The following CDC40 variants were observed in gnomAD, a reference collection of about 807,000 sequenced individuals.
CDC40 encodes cell division cycle 40.
Under a neutral mutation model 80.6 loss-of-function variants are expected in CDC40, and 27 were observed. The ratio of observed to expected loss-of-function variants is 0.33; its 90% CI spans 0.25 to 0.46. The LOEUF is 0.46. Among genes scored for constraint, CDC40 ranks in the 20% least tolerant of loss-of-function variants. The pLI, the probability that CDC40 is intolerant of heterozygous loss-of-function variation, is 1.00. For missense variants in CDC40, 486 were observed against 694.1 expected (o/e 0.70, Z 3.37); for synonymous variants, 221 against 232.6 (o/e 0.95, Z 0.45).
intron 2 of CDC40, among the ~76,000 whole-genome samples, chr6:110,193,856 G>C (rs975589883): frequency 6.6e-6 from 1 of 152,174 alleles, no homozygotes; most frequent in Non-Finnish European, 1.5e-5. Flanking sequence ...TCTTAAATAT[G>C]AACTTAGTTG....
intron 2 of CDC40, among the ~76,000 whole-genome samples, chr6:110,197,971 A>G (rs544905688): frequency 3.3e-5 from 5 of 152,244 alleles, no homozygotes; most frequent in African/African-American, 2.4e-5. Context: ...AGGAGCCTCC[A>G]TACCATTTTC....
At chr6:110,208,961 C>G in intron 4 of CDC40, 123 bp from the exon 5 acceptor site, 1 of 680,106 alleles carries the variant, frequency 1.5e-6, no homozygotes, top group Non-Finnish European at 2.4e-6. Context: ...TCTGGGGTCA[C>G]TTGAACAATC....
chr6:110,213,387 G>GTTTTTTTTTTTT (rs925612659), intron 8 of CDC40, among the ~76,000 whole-genome samples: 3 of 147,322 alleles, frequency 2.0e-5, no homozygotes, highest in African/African-American at 7.6e-5. Context: ...TTTGTTTTTT[G>GTTTTTTTTTTTT]TTTTTTTGTT....
intron 12 of CDC40, among the ~76,000 whole-genome samples, chr6:110,225,391 T>C (rs934583568): frequency 3.3e-5 from 5 of 152,044 alleles, no homozygotes; most frequent in African/African-American, 1.2e-4. Context: ...CTTTTGATGG[T>C]TCTAAATTTA....
chr6:110,228,915 AT>A lies in CDC40; in HGVS notation c.1506del (p.Phe502LeufsTer6). ...CAGATTTAGATTAAATAAGAAAAAA[AT>A]TTTTAAGGGCCATATGGTAGCAGGC... ...QNRFRLNKKK[I>X]FKGHMVAGYA... On this transcript the variant is annotated frameshift_variant, in exon 14 of 15. Transcript: ENST00000307731. LOFTEE classifies it high-confidence loss of function. 6.2e-7 allele frequency: 1 copy of A among 1,607,666 alleles called. No homozygotes were observed. The highest frequency in any genetic ancestry group is 8.5e-7 in the Non-Finnish European group (1 of 1,177,956).
At chr6:110,223,847 GTTT>G (rs1328767741) in intron 12 of CDC40, among the ~76,000 whole-genome samples, 5 of 146,700 alleles carry the variant, frequency 3.4e-5, no homozygotes, top group African/African-American at 1.3e-4. Flanking sequence ...GTTTTGTTTT[GTTT>G]GAGACAGAGT....
At chr6:110,187,895 C>G (rs1416713106) in intron 1 of CDC40, among the ~76,000 whole-genome samples, 1 of 152,100 alleles carries the variant, frequency 6.6e-6, no homozygotes, top group Non-Finnish European at 1.5e-5. Flanking sequence ...TGTGGTAATT[C>G]CAATTGCATA....
chr6:110,201,153 A>G (rs1408021532), intron 2 of CDC40, among the ~76,000 whole-genome samples: 1 of 152,210 alleles, frequency 6.6e-6, no homozygotes, highest in South Asian at 2.1e-4. Flanking sequence ...AAAAAAAATT[A>G]TATGACAGTA....
In CDC40 at chr6:110,229,983, A is replaced by G. The variant is rs553677770; in HGVS notation, c.1592A>G (p.Lys531Arg). Residue 531 changes from lysine to arginine, a missense_variant, in exon 15 of 15, where the codon AAA (lysine) becomes AGA (arginine). Lys to Arg is a conservative substitution (Grantham distance 26). Around this residue, in one of 3 missense-constraint regions of CDC40, gnomAD observed 88 missense variants for 138.7 expected, o/e 0.63. Transcript: ENST00000307731. ...SYVISGDGNG[K>R]LNIWDWKTTK... The stretch of plus-strand genomic sequence containing the variant: ...GTGATTTCAGGAGATGGAAATGGAA[A>G]ATTAAACATTTGGGACTGGAAGACC... 6.2e-7 allele frequency: 1 copy of G among 1,610,676 alleles called. No individual in the cohort carries two copies. The highest frequency in any genetic ancestry group is 1.7e-5 in the Admixed American group (1 of 59,950).
chr6:110,218,594 T>C (rs1406910439), intron 10 of CDC40, among the ~76,000 whole-genome samples: 1 of 152,206 alleles, frequency 6.6e-6, no homozygotes, highest in Non-Finnish European at 1.5e-5. Flanking sequence ...TTCAGCACTT[T>C]AGCAGTGGTT....
intron 10 of CDC40, among the ~76,000 whole-genome samples, chr6:110,218,819 T>A (rs748142179): frequency 6.4e-4 from 97 of 150,450 alleles, no homozygotes; most frequent in Non-Finnish European, 1.2e-3. Flanking sequence ...AAATATTCAG[T>A]GATTTTTTTT....
At chr6:110,216,110 C>T (rs143973808) in intron 9 of CDC40, among the ~76,000 whole-genome samples, 16 of 152,116 alleles carry the variant, frequency 1.1e-4, no homozygotes, top group African/African-American at 3.6e-4. Context: ...AGAGGTCGAG[C>T]TTTGAAGAGA....
intron 8 of CDC40, among the ~76,000 whole-genome samples, chr6:110,214,459 G>A (rs943239562): frequency 2.0e-5 from 3 of 152,206 alleles, no homozygotes; most frequent in East Asian, 3.8e-4. Context: ...TAAAGGATGA[G>A]GAAACAGGAG....
intron 13 of CDC40, 50 bp from the exon 14 acceptor site, chr6:110,228,782 A>T (rs1029970453): frequency 6.9e-7 from 1 of 1,451,566 alleles, no homozygotes; most frequent in Non-Finnish European, 9.2e-7. Flanking sequence ...AAAAAGTTTT[A>T]AAAATTGTTT....
chr6:110,212,722 G>T (rs1271177596), intron 7 of CDC40, among the ~76,000 whole-genome samples: 1 of 152,166 alleles, frequency 6.6e-6, no homozygotes, highest in Non-Finnish European at 1.5e-5. Context: ...TAAGGGTCAT[G>T]AAAAATTTTG....
intron 2 of CDC40, among the ~76,000 whole-genome samples, chr6:110,193,519 C>T (rs1584064081): frequency 6.6e-6 from 1 of 152,248 alleles, no homozygotes; most frequent in Non-Finnish European, 1.5e-5. Context: ...ATTCTCCTGC[C>T]TCAGCCTCCC....
chr6:110,180,679 G>A lies in CDC40; in HGVS notation c.189+46G>A, dbSNP rs1277077501. 22 of 1,412,476 alleles carry A rather than the reference G, an allele frequency of 1.6e-5. No individual in the cohort carries two copies. The Admixed American group carries it at 3.5e-4, about 22-fold the overall frequency. 87.5% of individuals were successfully genotyped at this position (1,412,476 alleles called of 1,614,324 possible). A position where few individuals can be genotyped will look rare whatever the true frequency, so the allele number is the denominator to read the frequency against. The stretch of plus-strand genomic sequence containing the variant: ...TGCAGTGTGGGAATTGTTGGCTTCA[G>A]CTCCAGAACTGCCAGCCGCTTGTTA... On this transcript the variant is annotated intron_variant, in intron 1 of 14. Transcript: ENST00000307731.
At chr6:110,198,762 T>C (rs1777452457) in intron 2 of CDC40, among the ~76,000 whole-genome samples, 1 of 152,232 alleles carries the variant, frequency 6.6e-6, no homozygotes, top group South Asian at 2.1e-4. Flanking sequence ...TTCACATTTA[T>C]GTTATGTATT....
At chr6:110,185,488 C>T (rs1234681116) in intron 1 of CDC40, among the ~76,000 whole-genome samples, 2 of 152,018 alleles carry the variant, frequency 1.3e-5, no homozygotes, top group Middle Eastern at 3.4e-3. Flanking sequence ...GTGATCCGCC[C>T]GCCTCGGCCT....
Sources: allele counts gnomAD v4.1 joint callset (sites outside exome capture counted in the v4.1 genomes callset), GRCh38; gene constraint gnomAD v4.1.1; regional missense constraint gnomAD v4.1.1; transcripts MANE v1.5; gene names NCBI Gene and HGNC (gene_info 2026-07-23, HGNC 2026-07-21).